The following PTER variants were observed in gnomAD, a reference collection of about 807,000 sequenced individuals.
PTER encodes the protein N-acetyltaurine hydrolase.
PTER carries 38 observed loss-of-function variants against 29.6 expected under a neutral mutation model. The observed-to-expected ratio is 1.28, with a 90% CI of 0.99 to 1.68. PTER has a LOEUF of 1.68. Among genes scored for constraint, PTER ranks in the 40% most tolerant of loss-of-function variants. The pLI is 0.00. For missense variants in PTER, 482 were observed against 427.8 expected (o/e 1.13, Z -1.12); for synonymous variants, 172 against 154.5 (o/e 1.11, Z -0.84).
chr10:16,441,562 G>A (rs1833850210), intron 1 of PTER, among the ~76,000 whole-genome samples: 1 of 152,170 alleles, frequency 6.6e-6, no homozygotes, highest in Non-Finnish European at 1.5e-5. Context: ...ACAGAGCTGT[G>A]CTGCATTCTT....
At chr10:16,441,502 TC>T (rs1485633139) in intron 1 of PTER, among the ~76,000 whole-genome samples, 4 of 152,206 alleles carry the variant, frequency 2.6e-5, no homozygotes, top group Admixed American at 6.5e-5. Context: ...GTGTGTTCAC[TC>T]TTTTATTCTG....
chr10:16,476,054 GT>G (rs1171382718), intron 1 of PTER: 2 of 152,110 alleles, frequency 1.3e-5, no homozygotes, highest in East Asian at 3.8e-4. Flanking sequence ...GTTCTTATCA[GT>G]TTAATAATCA....
At chr10:16,517,894 T>C (rs1836978654), downstream of PTER, among the ~76,000 whole-genome samples, 4 of 152,218 alleles carry the variant, frequency 2.6e-5, no homozygotes, top group African/African-American at 9.6e-5. Context: ...TTTACTGGTC[T>C]TTGATGTTTC....
chr10:16,481,868 C>T (rs746312853), intron 1 of PTER, among the ~76,000 whole-genome samples: 52 of 152,128 alleles, frequency 3.4e-4, no homozygotes, highest in Non-Finnish European at 1.8e-4. Context: ...CATATGGAAG[C>T]TTGCATCTAT....
chr10:16,485,116 G>A (rs1030309018), intron 2 of PTER, among the ~76,000 whole-genome samples: 5 of 152,252 alleles, frequency 3.3e-5, no homozygotes, highest in African/African-American at 9.6e-5. Flanking sequence ...TGTGTGTATC[G>A]TATCTGTCCT....
intron 1 of PTER, among the ~76,000 whole-genome samples, chr10:16,460,903 G>C (rs1411083849): frequency 6.6e-6 from 1 of 152,112 alleles, no homozygotes; most frequent in Non-Finnish European, 1.5e-5. Context: ...TTTTGATAGA[G>C]ACGGGGTTTC....
intron 1 of PTER, among the ~76,000 whole-genome samples, chr10:16,461,950 C>G (rs1292091073): frequency 6.7e-6 from 1 of 149,336 alleles, no homozygotes; most frequent in Non-Finnish European, 1.5e-5. Context: ...AAACTGGGGT[C>G]TCTGTTTTAC....
intron 1 of PTER, among the ~76,000 whole-genome samples, chr10:16,471,510 T>A (rs1196217426): frequency 6.6e-6 from 1 of 152,234 alleles, no homozygotes; most frequent in Admixed American, 6.5e-5. Context: ...AAGATGAGCT[T>A]CACATTTTAG....
chr10:16,501,904 T>C (rs1001378349), intron 3 of PTER, among the ~76,000 whole-genome samples: 5 of 152,206 alleles, frequency 3.3e-5, no homozygotes, highest in African/African-American at 1.2e-4. Context: ...AATGAGATAA[T>C]ACATATAATG....
In PTER at chr10:16,484,671, T is replaced by G; in HGVS notation, c.287T>G (p.Val96Gly). Residue 96 changes from valine to glycine, a missense_variant, in exon 2 of 5, where the codon GTG becomes GGG. Val to Gly is a moderately radical substitution (Grantham distance 109). Transcript: ENST00000535784. ...YFKANGGGAL[V>G]ENTTTGISRD... ...AAAGCTAATGGTGGAGGGGCTTTGGTGGAAAACACAACCACTGGGATTAGC... is the reference window on the plus strand; with the variant it reads ...AAAGCTAATGGTGGAGGGGCTTTGGGGGAAAACACAACCACTGGGATTAGC... 1 of 1,614,118 alleles carries G rather than the reference T, an allele frequency of 6.2e-7. No homozygotes were observed. The highest frequency in any genetic ancestry group is 8.5e-7 in the Non-Finnish European group (1 of 1,180,002).
intron 4 of PTER, among the ~76,000 whole-genome samples, 175 bp from the exon 5 acceptor site, chr10:16,510,871 C>A (rs1409305233): frequency 6.6e-6 from 1 of 152,088 alleles, no homozygotes; most frequent in Non-Finnish European, 1.5e-5. Context: ...TAGGATGCAG[C>A]AATATTTTTA....
At chr10:16,500,579 T>C (rs1283074862) in intron 3 of PTER, among the ~76,000 whole-genome samples, 1 of 152,188 alleles carries the variant, frequency 6.6e-6, no homozygotes, top group Non-Finnish European at 1.5e-5. Context: ...CTTACATGTG[T>C]GGATGAATCT....
intron 4 of PTER, among the ~76,000 whole-genome samples, chr10:16,508,862 T>G (rs1208894424): frequency 6.6e-6 from 1 of 152,108 alleles, no homozygotes; most frequent in African/African-American, 2.4e-5. Context: ...ACACTTGATT[T>G]TCATCATGCA....
At chr10:16,499,394 G>A (rs1160936200) in intron 3 of PTER, among the ~76,000 whole-genome samples, 4 of 151,670 alleles carry the variant, frequency 2.6e-5, no homozygotes, top group African/African-American at 9.7e-5. Flanking sequence ...GAATTTAAAG[G>A]AATTCATTCC....
chr10:16,514,918 C>T (rs904606582), downstream of PTER, among the ~76,000 whole-genome samples: 1 of 152,122 alleles, frequency 6.6e-6, no homozygotes, highest in African/African-American at 2.4e-5. Flanking sequence ...CAAAATAGTG[C>T]TTCAGTGGGG....
chr10:16,446,629 C>T (rs941366633), intron 1 of PTER, among the ~76,000 whole-genome samples: 3 of 152,160 alleles, frequency 2.0e-5, no homozygotes, highest in African/African-American at 4.8e-5. Context: ...TATTAAAGAA[C>T]ATATGCAGTT....
At chr10:16,495,370 A>G (rs930426422) in intron 3 of PTER, among the ~76,000 whole-genome samples, 1 of 152,146 alleles carries the variant, frequency 6.6e-6, no homozygotes, top group Non-Finnish European at 1.5e-5. Flanking sequence ...AGGTTTTGCC[A>G]TGTTGGCCAG....
intron 4 of PTER, among the ~76,000 whole-genome samples, chr10:16,505,572 A>G (rs1177234325): frequency 1.3e-5 from 2 of 152,262 alleles, no homozygotes; most frequent in Non-Finnish European, 2.9e-5. Flanking sequence ...AAAAGTTTTC[A>G]TTAAAAAGGT....
chr10:16,443,199 TGA>T (rs1335892117), intron 1 of PTER, among the ~76,000 whole-genome samples: 1 of 152,232 alleles, frequency 6.6e-6, no homozygotes, highest in Non-Finnish European at 1.5e-5. Context: ...TGGCCTCTTC[TGA>T]GGTCTCTCTC....
Sources: gnomAD v4.1 joint callset for allele counts (sites outside exome capture counted in the v4.1 genomes callset) on GRCh38, gnomAD v4.1.1 for gene constraint, MANE v1.5 for transcripts, NCBI Gene and HGNC (gene_info 2026-07-23, HGNC 2026-07-21) for gene names.